The following RRP36 variants were observed in gnomAD, a reference collection of about 807,000 sequenced individuals.
RRP36 encodes the protein ribosomal RNA processing protein 36 homolog.
A neutral mutation model predicts 39.8 loss-of-function variants in RRP36; 44 were observed. The ratio of observed to expected loss-of-function variants is 1.10; its 90% confidence interval spans 0.87 to 1.42. RRP36 has a LOEUF of 1.42. RRP36 is among the 40% of genes most tolerant of loss of function. RRP36 has a pLI of 0.00. For missense variants in RRP36, 316 were observed against 322.4 expected (o/e 0.98, Z 0.15); for synonymous variants, 124 against 123.1 (o/e 1.01, Z -0.05).
intron 4 of RRP36, 112 bp downstream of exon 4, chr6:43,026,253 C>G (rs971909718): frequency 9.7e-6 from 6 of 621,748 alleles, no homozygotes; most frequent in Admixed American, 5.0e-5. Flanking sequence ...AGATTTAACT[C>G]TCTCCAATTC....
chr6:43,025,071 A>G lies in RRP36; in HGVS notation c.217A>G (p.Ser73Gly). The change falls in exon 2 of 7, where the codon AGT becomes GGT. Residue 73 changes from serine to glycine, a missense_variant. Coordinates refer to ENST00000244496, the MANE Select transcript of RRP36 (RefSeq NM_033112.4). ...KTYKQLVAGN[S>G]PKKQASRPPI... ...GTACAAACAATTGGTAGCTGGAAAT[A>G]GTCCTAAGAAACAAGCTTCTAGACC... The G allele has an allele frequency of 1.9e-6, 3 of 1,614,234 alleles. No individual in the cohort carries two copies. The highest frequency in any genetic ancestry group is 2.5e-6 in the Non-Finnish European group (3 of 1,180,048).
At chr6:43,023,979 C>T (rs1406877683) in intron 1 of RRP36, among the ~76,000 whole-genome samples, 1 of 151,594 alleles carries the variant, frequency 6.6e-6, no homozygotes, top group Non-Finnish European at 1.5e-5. Flanking sequence ...GCCTCAGCCT[C>T]CCGAGTAGCT....
At chr6:43,027,790 CACACACACAA>C (rs1392878259) in intron 6 of RRP36, among the ~76,000 whole-genome samples, 2 of 138,642 alleles carry the variant, frequency 1.4e-5, no homozygotes, top group African/African-American at 5.6e-5. Context: ...CACACACACA[CACACACACAA>C]ACACAGAGTC....
rs955906239 is a variant in RRP36, at chr6:43,026,138, A to G, written c.447A>G (p.Lys149=). ...QFLNDIRAKE[K]ELVKKQLKKH... Reference sequence around the variant, plus strand: ...TGAATGACATCCGAGCGAAAGAGAAAGAGGTATACAGCTTGAGACTGGTTT... The same window carrying G: ...TGAATGACATCCGAGCGAAAGAGAAGGAGGTATACAGCTTGAGACTGGTTT... Residue 149 remains lysine, a synonymous_variant, in exon 4 of 7, where the codon AAA becomes AAG. Transcript: ENST00000244496. 1.1e-5 allele frequency: 17 copies of G among 1,609,908 alleles called. No individual in the cohort carries two copies. In the African/African-American group the frequency reaches 1.3e-4, roughly 13 times the overall value.
intron 6 of RRP36, 138 bp downstream of exon 6, chr6:43,027,615 A>C (rs1762837901): frequency 1.4e-6 from 1 of 715,910 alleles, no homozygotes; most frequent in East Asian, 2.5e-5. Context: ...GGAAAGTAGA[A>C]ATAGTAGGGA....
At chr6:43,021,815 G>A (rs1174429043) in intron 1 of RRP36, 31 bp downstream of exon 1, 3 of 1,200,198 alleles carry the variant, frequency 2.5e-6, no homozygotes, top group Non-Finnish European at 3.1e-6. Context: ...GGGCTGGGGA[G>A]GGGAAGGAGA....
chr6:43,022,864 C>G (rs1489249571), intron 1 of RRP36, among the ~76,000 whole-genome samples: 3 of 151,890 alleles, frequency 2.0e-5, no homozygotes, highest in Non-Finnish European at 4.4e-5. Flanking sequence ...ATCTCCTGAC[C>G]TCGTGATCCG....
chr6:43,021,626 A>G lies in RRP36; in HGVS notation c.-29A>G, dbSNP rs780619322. ...GGCTGCCGTGAGCGGAAGCGGCGCC[A>G]TTCGTCTTCCGAGCGCTACTGCCAG... On this transcript the variant is annotated 5_prime_UTR_variant, in exon 1 of 7. Transcript: ENST00000244496. 29 of 1,283,828 alleles carry G rather than the reference A, an allele frequency of 2.3e-5. No individual in the cohort carries two copies. The highest frequency in any genetic ancestry group is 2.5e-5 in the Non-Finnish European group (25 of 1,014,526). The allele number at this position is 1,283,828 out of a possible 1,614,324, so 79.5% of individuals were successfully genotyped here. A position where few individuals can be genotyped will look rare whatever the true frequency, so the allele number is the denominator to read the frequency against.
Position 43,025,301 on chromosome 6 carries a change from T to G in RRP36, c.317T>G (p.Leu106Ter). 1 of 1,614,036 alleles carries G rather than the reference T, an allele frequency of 6.2e-7. No homozygotes were observed. The highest frequency in any genetic ancestry group is 1.7e-5 in the Admixed American group (1 of 60,026). Reference protein sequence around the residue: ...EMSAKIRVPFLRQVVPISKKV... With the variant: ...EMSAKIRVPF ...TCAGCCAAGATCCGAGTACCATTTTTACGTCAGGTTGTTCCCATTAGTAAA... is the reference window on the plus strand; with the variant it reads ...TCAGCCAAGATCCGAGTACCATTTTGACGTCAGGTTGTTCCCATTAGTAAA... The change falls in exon 3 of 7, where the codon TTA becomes TGA. Residue 106 changes from leucine (L) to a stop codon, truncating the protein, a stop_gained. Coordinates refer to ENST00000244496, the MANE Select transcript of RRP36 (RefSeq NM_033112.4). LOFTEE classifies it high-confidence loss of function.
At position 43,026,403 on chromosome 6, in the gene RRP36, C is replaced by G. The variant is rs146164894; in HGVS notation, c.450+262C>G. 6.6e-5 allele frequency among the ~76,000 whole-genome samples: 10 copies of G among 152,274 alleles called. No homozygotes were observed. The East Asian group carries it at 1.9e-3, about 29-fold the overall frequency. On this transcript the variant is annotated intron_variant, in intron 4 of 6. Transcript: ENST00000244496. The stretch of plus-strand genomic sequence containing the variant: ...GTCTTGGAGGCCGGGTGTGGTGGCT[C>G]ACGCCTGTAAGTAATCCCAGCACTT...
chr6:43,028,716 T>C lies in RRP36; in HGVS notation c.644-376T>C, dbSNP rs1762861161. 2.0e-5 allele frequency among the ~76,000 whole-genome samples: 3 copies of C among 150,924 alleles called. No homozygotes were observed. In the South Asian group the frequency reaches 6.3e-4, roughly 32 times the overall value. On this transcript the variant is annotated intron_variant, in intron 6 of 6. Coordinates refer to ENST00000244496, the MANE Select transcript of RRP36 (RefSeq NM_033112.4). ...CTGTAATCCCAGCACTTTGGGAGGC[T>C]GAGGAGAGCGGATCACCTGAGGTCA... is the stretch of plus-strand genomic sequence containing the variant.
chr6:43,023,597 C>T (rs1207072480), intron 1 of RRP36, among the ~76,000 whole-genome samples: 1 of 147,370 alleles, frequency 6.8e-6, no homozygotes, highest in African/African-American at 2.5e-5. Context: ...GAGGCTGAGG[C>T]AGGAGAATCG....
At chr6:43,024,952 A>G (rs781325995) in intron 1 of RRP36, 33 bp from the exon 2 acceptor site, 2 of 1,611,230 alleles carry the variant, frequency 1.2e-6, no homozygotes, top group Non-Finnish European at 1.7e-6. Context: ...GGACATGCTG[A>G]GCTGAGTTGT....
Position 43,027,582 on chromosome 6 carries a change from G to T in RRP36, c.643+105G>T. On this transcript the variant is annotated intron_variant, in intron 6 of 6. Coordinates refer to ENST00000244496, the MANE Select transcript of RRP36 (RefSeq NM_033112.4). ...GATCCCCTTTAAGGAAGGCATGAAG[G>T]CTGGATCCCATGGTAACTTGGAGGA... The T allele has an allele frequency of 1.3e-5, 12 of 897,916 alleles. 1 individual carries two copies. In the South Asian group the frequency reaches 1.9e-4, roughly 14 times the overall value. The allele number at this position is 897,916 out of a possible 1,614,324, so 55.6% of individuals were successfully genotyped here.
chr6:43,028,924 G>T (rs1453488470), intron 6 of RRP36, among the ~76,000 whole-genome samples, 168 bp from the exon 7 acceptor site: 1 of 152,212 alleles, frequency 6.6e-6, no homozygotes, highest in Non-Finnish European at 1.5e-5. Context: ...CTGCACTCCA[G>T]CCTGGGTAAC....
intron 6 of RRP36, 54 bp downstream of exon 6, chr6:43,027,531 G>A: frequency 7.0e-7 from 1 of 1,436,994 alleles, no homozygotes; most frequent in African/African-American, 1.4e-5. Flanking sequence ...GGCCATGGTG[G>A]TAGAGTCTTG....
intron 6 of RRP36, 94 bp from the exon 7 acceptor site, chr6:43,028,998 A>G: frequency 2.7e-6 from 4 of 1,508,808 alleles, no homozygotes; most frequent in South Asian, 2.5e-5. Flanking sequence ...GAACTCATGT[A>G]TCCAGCATAA....
At chr6:43,028,473 C>G (rs1459427938) in intron 6 of RRP36, among the ~76,000 whole-genome samples, 1 of 151,294 alleles carries the variant, frequency 6.6e-6, no homozygotes, top group East Asian at 1.9e-4. Context: ...CATGGTGAAA[C>G]CCCGTCTCTA....
intron 1 of RRP36, among the ~76,000 whole-genome samples, chr6:43,023,272 G>A (rs1168830187): frequency 6.6e-6 from 1 of 152,108 alleles, no homozygotes; most frequent in Non-Finnish European, 1.5e-5. Context: ...GGTGGCCCAC[G>A]TCTGTATTCC....
Sources: allele counts gnomAD v4.1 joint callset (sites outside exome capture counted in the v4.1 genomes callset), GRCh38; gene constraint gnomAD v4.1.1; transcripts MANE v1.5; gene names NCBI Gene and HGNC (gene_info 2026-07-23, HGNC 2026-07-21).